The following ERBB3 variants were observed in gnomAD, a reference collection of about 807,000 sequenced individuals.
ERBB3 encodes the protein receptor tyrosine-protein kinase erbB-3.
In ERBB3, 96 loss-of-function variants were observed where a neutral mutation model predicts 156.7. That is an observed-to-expected ratio of 0.61 (90% CI 0.52 to 0.73). The LOEUF (loss-of-function observed/expected upper bound fraction) is 0.73, where lower values mean the gene tolerates loss of function less well. Among genes scored for constraint, ERBB3 ranks in the 30% least tolerant of loss-of-function variants. The pLI, the probability that ERBB3 is intolerant of heterozygous loss-of-function variation, is 0.00. For missense variants in ERBB3, 1,406 were observed against 1,709.4 expected (o/e 0.82, Z 3.13); for synonymous variants, 567 against 632.0 (o/e 0.90, Z 1.54).
rs180986542 is a variant in ERBB3 at position 56,101,543 on chromosome 12, C to T, written c.3517C>T (p.Arg1173Trp). 29 of 1,614,016 alleles carry T rather than the reference C, an allele frequency of 1.8e-5. 1 individual carries two copies. In the South Asian group the frequency reaches 2.3e-4, roughly 13 times the overall value. ...TCAACCCCCAGGTACTCCCTCCTCC[C>T]GGGAAGGCACCCTTTCTTCAGTGGG... Reference protein sequence around the residue: ...DTHLKGTPSSREGTLSSVGLS... With the variant: ...DTHLKGTPSSWEGTLSSVGLS... Residue 1173 changes from arginine to tryptophan, a missense_variant, in exon 28 of 28, where the codon CGG (arginine) becomes TGG (tryptophan). By Grantham distance (101) the Arg-to-Trp change is moderately radical (BLOSUM62 -3). Coordinates refer to ENST00000267101, the MANE Select transcript of ERBB3 (RefSeq NM_001982.4).
Position 56,101,089 on chromosome 12 carries a change from G to T in ERBB3, c.3230G>T (p.Arg1077Leu). Residue 1077 changes from arginine to leucine, a missense_variant, in exon 27 of 28, where the codon CGG becomes CTG. Physicochemically the swap from Arg to Leu is moderately radical, Grantham distance 102. This residue lies in a region of ERBB3 where 415 missense variants were observed against 454.1 expected (regional missense o/e 0.91). Transcript: ENST00000267101. ...QESAVSGSSE[R>L]CPRPVSLHPM... ...TCTGCAGTTTCTGGGAGCAGTGAACGGTGCCCCCGTCCAGTCTCTCTACAC... is the reference window on the plus strand; with the variant it reads ...TCTGCAGTTTCTGGGAGCAGTGAACTGTGCCCCCGTCCAGTCTCTCTACAC... 1.2e-6 allele frequency: 2 copies of T among 1,613,856 alleles called. No individual in the cohort carries two copies. The highest frequency in any genetic ancestry group is 1.7e-6 in the Non-Finnish European group (2 of 1,179,970).
Position 56,083,847 on chromosome 12 carries a change from T to C in ERBB3, c.179T>C (p.Met60Thr). Residue 60 changes from methionine (M) to threonine (T), a missense_variant, in exon 2 of 28, where the codon ATG (methionine) becomes ACG (threonine). By Grantham distance (81) the Met-to-Thr change is moderately conservative. Around this residue, in one of 3 missense-constraint regions of ERBB3, gnomAD observed 979 missense variants for 1,219.6 expected, o/e 0.80. Coordinates refer to ENST00000267101, the MANE Select transcript of ERBB3 (RefSeq NM_001982.4). ...CTCTACGAGAGGTGTGAGGTGGTGA[T>C]GGGGAACCTTGAGATTGTGCTCACG... The part of the protein sequence containing the change: ...YKLYERCEVV[M>T]GNLEIVLTGH... The C allele has an allele frequency of 6.2e-7, 1 of 1,614,086 alleles. No homozygotes were observed. The highest frequency in any genetic ancestry group is 1.3e-5 in the African/African-American group (1 of 74,996).
In ERBB3 at chr12:56,088,086, C is replaced by A; in HGVS notation, c.798C>A (p.Asn266Lys). 6.2e-7 allele frequency: 1 copy of A among 1,614,144 alleles called. No individual in the cohort carries two copies. The highest frequency in any genetic ancestry group is 8.5e-7 in the Non-Finnish European group (1 of 1,179,992). Reference protein sequence around the residue: ...VPRCPQPLVYNKLTFQLEPNP... With the variant: ...VPRCPQPLVYKKLTFQLEPNP... ...GCTGTCCACAGCCTCTTGTCTACAACAAGCTAACTTTCCAGCTGGAACCCA... is the reference window on the plus strand; with the variant it reads ...GCTGTCCACAGCCTCTTGTCTACAAAAAGCTAACTTTCCAGCTGGAACCCA... The change falls in exon 7 of 28, where the codon AAC (asparagine) becomes AAA (lysine). Residue 266 changes from asparagine to lysine, a missense_variant. Physicochemically the swap from Asn to Lys is moderately conservative, Grantham distance 94. Around this residue, in one of 3 missense-constraint regions of ERBB3, gnomAD observed 979 missense variants for 1,219.6 expected, o/e 0.80. Transcript: ENST00000267101.
At chr12:56,095,952 T>C (rs538404507) in intron 17 of ERBB3, 146 bp downstream of exon 17, 27 of 849,584 alleles carry the variant, frequency 3.2e-5, no homozygotes, top group Non-Finnish European at 5.2e-5. Flanking sequence ...CCCCAGAGAT[T>C]TGATCCCTTT....
At chr12:56,081,226 C>T (rs527861386) in intron 1 of ERBB3, among the ~76,000 whole-genome samples, 194 of 152,282 alleles carry the variant, frequency 1.3e-3, no homozygotes, top group African/African-American at 4.5e-3. Context: ...TTGTGCCTCC[C>T]GCCCCCATTT....
Position 56,084,613 on chromosome 12 carries a change from A to AAAT in ERBB3, c.235-382_235-381insAAT, listed in dbSNP as rs60697310. On this transcript the variant is annotated intron_variant, in intron 2 of 27. Transcript: ENST00000267101. ...CCTGTCTCACCAAAAAAAAAAAAAAAGGCCAAGCTCGGATCACCTGAGGTC... is the reference window on the plus strand; with the variant it reads ...CCTGTCTCACCAAAAAAAAAAAAAAAAATGGCCAAGCTCGGATCACCTGAGGTC... Among the ~76,000 whole-genome samples, 35 of 148,186 alleles carry AAAT rather than the reference A, an allele frequency of 2.4e-4. No homozygotes were observed. The East Asian group carries it at 2.8e-3, about 12-fold the overall frequency.
At chr12:56,085,318 C>T in intron 3 of ERBB3, 137 bp downstream of exon 3, 2 of 1,552,704 alleles carry the variant, frequency 1.3e-6, no homozygotes, top group Non-Finnish European at 1.7e-6. Flanking sequence ...TCTAAAGGTC[C>T]ATTGCTCCCT....
chr12:56,096,993 G>A (rs1400930636), intron 19 of ERBB3, 52 bp from the exon 20 acceptor site: 4 of 1,569,302 alleles, frequency 2.5e-6, no homozygotes, highest in Non-Finnish European at 3.5e-6. Flanking sequence ...TGCACATGCT[G>A]AGTGTATGTG....
intron 1 of ERBB3, among the ~76,000 whole-genome samples, chr12:56,083,070 AC>A (rs202222293): frequency 6.6e-6 from 1 of 151,232 alleles, no homozygotes; most frequent in East Asian, 1.9e-4. Flanking sequence ...GCTCCCATTG[AC>A]CCCCCCTCAC....
intron 18 of ERBB3, 23 bp downstream of exon 18, chr12:56,096,645 G>A: frequency 6.2e-7 from 1 of 1,614,160 alleles, no homozygotes; most frequent in Non-Finnish European, 8.5e-7. Context: ...TAGGAATTCT[G>A]GAGAGGTGGG....
Position 56,102,522 on chromosome 12 carries a change from C to G in ERBB3, c.*467C>G, listed in dbSNP as rs1185335220. ...CCCTAGAAAGACAGAAGCTTAAAATCTGTGAAGAAAGAGGTTAGGAGTAGA... is the reference window on the plus strand; with the variant it reads ...CCCTAGAAAGACAGAAGCTTAAAATGTGTGAAGAAAGAGGTTAGGAGTAGA... On this transcript the variant is annotated 3_prime_UTR_variant, in exon 28 of 28. Coordinates refer to ENST00000267101, the MANE Select transcript of ERBB3 (RefSeq NM_001982.4). 10 of 245,152 alleles carry G rather than the reference C, an allele frequency of 4.1e-5. No individual in the cohort carries two copies. In the East Asian group the frequency reaches 5.3e-4, roughly 13 times the overall value. The allele number at this position is 245,152 out of a possible 1,614,324, so 15.2% of individuals were successfully genotyped here. A position where few individuals can be genotyped will look rare whatever the true frequency, so the allele number is the denominator to read the frequency against.
Position 56,080,402 on chromosome 12 carries a change from C to G in ERBB3, c.82+20C>G, listed in dbSNP as rs1372938389. 3 of 1,559,330 alleles carry G rather than the reference C, an allele frequency of 1.9e-6. No homozygotes were observed. In the East Asian group the frequency reaches 7.0e-5, roughly 36 times the overall value. Reference sequence around the variant, plus strand: ...AGGCAGGTAAGTGGCGCGAGAGCACCGGCGGGCTCGGCACCTGGGAGCCGG... The same window carrying G: ...AGGCAGGTAAGTGGCGCGAGAGCACGGGCGGGCTCGGCACCTGGGAGCCGG... On this transcript the variant is annotated intron_variant, in intron 1 of 27. Coordinates refer to ENST00000267101, the MANE Select transcript of ERBB3 (RefSeq NM_001982.4).
At chr12:56,100,269 G>A (rs747848453) in intron 26 of ERBB3, 24 bp downstream of exon 26, 2 of 1,570,620 alleles carry the variant, frequency 1.3e-6, no homozygotes, top group Middle Eastern at 1.7e-4. Context: ...CTGAGAGGCT[G>A]GGTTTTAGGA....
chr12:56,099,053 G>A (rs887357106), intron 23 of ERBB3, 148 bp downstream of exon 23: 1 of 724,500 alleles, frequency 1.4e-6, no homozygotes, highest in Non-Finnish European at 2.3e-6. Context: ...CCGCCTCTCG[G>A]GTTCAAGAGA....
chr12:56,098,223 T>G (rs1328618976), intron 21 of ERBB3: 2 of 542,100 alleles, frequency 3.7e-6, no homozygotes, highest in African/African-American at 4.0e-5. Flanking sequence ...GCTAGCACGG[T>G]GAAACCCCGT....
At chr12:56,096,363 T>C (rs138429725) in intron 17 of ERBB3, 140 bp from the exon 18 acceptor site, 3 of 1,003,226 alleles carry the variant, frequency 3.0e-6, no homozygotes, top group East Asian at 2.4e-5. Flanking sequence ...AATATGCCTA[T>C]AATCCATTCC....
intron 3 of ERBB3, 33 bp from the exon 4 acceptor site, chr12:56,086,498 C>T (rs780394534): frequency 6.2e-7 from 1 of 1,613,688 alleles, no homozygotes; most frequent in South Asian, 1.1e-5. Flanking sequence ...TCCGCTGCGG[C>T]CCTTAACCCT....
At chr12:56,098,940 T>C (rs965417959) in intron 23 of ERBB3, 35 bp downstream of exon 23, 2 of 1,536,706 alleles carry the variant, frequency 1.3e-6, no homozygotes, top group East Asian at 2.3e-5. Context: ...ATTTTCTCTT[T>C]TTTTCTTTTT....
At chr12:56,089,384 G>A (rs1039610194) in intron 9 of ERBB3, among the ~76,000 whole-genome samples, 4 of 152,080 alleles carry the variant, frequency 2.6e-5, no homozygotes, top group African/African-American at 9.7e-5. Context: ...GCCTCCCAAA[G>A]TGCTAGGGAT....
Sources: gnomAD v4.1 joint callset for allele counts (sites outside exome capture counted in the v4.1 genomes callset) on GRCh38, gnomAD v4.1.1 for gene constraint, gnomAD v4.1.1 regional missense constraint, MANE v1.5 for transcripts, NCBI Gene and HGNC (gene_info 2026-07-23, HGNC 2026-07-21) for gene names.